NCK2: variants seen among roughly 807,000 people sequenced by gnomAD.
NCK2 encodes cytoplasmic protein NCK2.
Under a neutral mutation model 33.9 loss-of-function variants are expected in NCK2, and 16 were observed. That is an observed-to-expected ratio of 0.47 (90% CI 0.32 to 0.72). The LOEUF is 0.72. NCK2 is among the 30% of genes least tolerant of loss of function. The pLI, the probability that NCK2 is intolerant of heterozygous loss-of-function variation, is 0.03. For missense variants in NCK2, 418 were observed against 537.3 expected, an observed-to-expected ratio of 0.78 and a Z score of 2.19; for synonymous variants, 273 against 239.9, an observed-to-expected ratio of 1.14 and a Z score of -1.27.
chr2:105,854,993 G>A (rs982875773), intron 2 of NCK2, 55 bp from the exon 3 acceptor site: 14 of 1,374,546 alleles, frequency 1.0e-5, no homozygotes, highest in Non-Finnish European at 1.4e-5. Flanking sequence ...TTGGTGCAAA[G>A]GATGAAGTGT....
At chr2:105,748,258 G>A (rs115312856) in intron 1 of NCK2, among the ~76,000 whole-genome samples, 302 of 152,208 alleles carry the variant, frequency 2.0e-3, no homozygotes, top group East Asian at 6.8e-3. Flanking sequence ...CCCAAGGGTC[G>A]TCTCTTACTT....
At chr2:105,820,723 G>C (rs1353479966) in intron 2 of NCK2, among the ~76,000 whole-genome samples, 1 of 152,216 alleles carries the variant, frequency 6.6e-6, no homozygotes, top group African/African-American at 2.4e-5. Flanking sequence ...GCCATTACTA[G>C]GGACGGAAGA....
At chr2:105,853,257 TAAG>T (rs1385084063) in intron 2 of NCK2, among the ~76,000 whole-genome samples, 1 of 152,220 alleles carries the variant, frequency 6.6e-6, no homozygotes, top group African/African-American at 2.4e-5. Flanking sequence ...ATCTTCTACC[TAAG>T]AAGTAGAGAG....
At chr2:105,875,940 A>G (rs964712524) in intron 3 of NCK2, among the ~76,000 whole-genome samples, 1 of 152,216 alleles carries the variant, frequency 6.6e-6, no homozygotes. Context: ...ACTGCTGAGC[A>G]TGTCTATGAA....
intron 4 of NCK2, among the ~76,000 whole-genome samples, chr2:105,891,087 G>T (rs186680960): frequency 3.3e-5 from 5 of 152,306 alleles, no homozygotes; most frequent in Non-Finnish European, 2.9e-5. Context: ...GCTCCACATT[G>T]TCCAGAGGGC....
intron 3 of NCK2, among the ~76,000 whole-genome samples, chr2:105,874,500 A>G (rs927028329): frequency 6.6e-6 from 1 of 152,278 alleles, no homozygotes; most frequent in Admixed American, 6.5e-5. Flanking sequence ...CATTTTCAAT[A>G]AAAGGAAGTT....
chr2:105,825,147 G>T (rs578054627), intron 2 of NCK2, among the ~76,000 whole-genome samples: 8 of 152,216 alleles, frequency 5.3e-5, no homozygotes, highest in Admixed American at 3.3e-4. Context: ...ATGCCTACCA[G>T]CTGTAATGTA....
intron 2 of NCK2, among the ~76,000 whole-genome samples, chr2:105,836,671 G>T (rs1676449766): frequency 1.3e-5 from 2 of 152,192 alleles, no homozygotes; most frequent in African/African-American, 4.8e-5. Context: ...GTAGGATGCT[G>T]CTTGGGTTCA....
At chr2:105,834,796 G>C (rs949671212) in intron 2 of NCK2, among the ~76,000 whole-genome samples, 5 of 151,872 alleles carry the variant, frequency 3.3e-5, no homozygotes, top group Admixed American at 1.3e-4. Flanking sequence ...TCAGCCTCCC[G>C]GGTAGCTGGG....
chr2:105,846,448 TA>T (rs1676856673), intron 2 of NCK2: 1 of 145,058 alleles, frequency 6.9e-6, no homozygotes, highest in Non-Finnish European at 1.5e-5. Flanking sequence ...ATCCTGGCAG[TA>T]AAGATAAATT....
chr2:105,819,927 AT>A (rs1266186627), intron 2 of NCK2, among the ~76,000 whole-genome samples: 21 of 150,794 alleles, frequency 1.4e-4, no homozygotes, highest in African/African-American at 4.8e-4. Flanking sequence ...TAAAAAAAAA[AT>A]AGATAAAATA....
chr2:105,795,013 G>C (rs558646573), intron 1 of NCK2, among the ~76,000 whole-genome samples: 1 of 151,828 alleles, frequency 6.6e-6, no homozygotes, highest in Non-Finnish European at 1.5e-5. Flanking sequence ...TTTAAAAAAA[G>C]TTTTATTTTT....
intron 2 of NCK2, among the ~76,000 whole-genome samples, chr2:105,836,661 G>A (rs940687197): frequency 6.6e-6 from 1 of 152,208 alleles, no homozygotes; most frequent in Non-Finnish European, 1.5e-5. Flanking sequence ...TCTACAGGGT[G>A]TAGGATGCTG....
chr2:105,802,744 T>A (rs2104449777), intron 1 of NCK2, among the ~76,000 whole-genome samples: 1 of 152,356 alleles, frequency 6.6e-6, no homozygotes, highest in South Asian at 2.1e-4. Context: ...GGGGATCAGA[T>A]TTCAACATGA....
chr2:105,753,261 T>C (rs964431532), intron 1 of NCK2, among the ~76,000 whole-genome samples: 1 of 152,196 alleles, frequency 6.6e-6, no homozygotes, highest in Admixed American at 6.5e-5. Context: ...CCCTGGACTT[T>C]GGAAGGGCCT....
chr2:105,754,092 C>T (rs540893891), intron 1 of NCK2, among the ~76,000 whole-genome samples: 5 of 152,282 alleles, frequency 3.3e-5, no homozygotes, highest in African/African-American at 1.2e-4. Flanking sequence ...GTGAGTCTGG[C>T]GTCTCTGTTG....
At chr2:105,838,590 G>A (rs1344170409) in intron 2 of NCK2, among the ~76,000 whole-genome samples, 1 of 152,118 alleles carries the variant, frequency 6.6e-6, no homozygotes, top group Admixed American at 6.5e-5. Flanking sequence ...CCCTTATTAT[G>A]TAGAATAACA....
At chr2:105,814,620 G>C (rs1246963567) in intron 1 of NCK2, among the ~76,000 whole-genome samples, 2 of 152,208 alleles carry the variant, frequency 1.3e-5, no homozygotes, top group East Asian at 3.9e-4. Flanking sequence ...ATGCAGAAGA[G>C]ATTAGAGATG....
intron 2 of NCK2, among the ~76,000 whole-genome samples, chr2:105,830,673 GTGT>G (rs1676140854): frequency 3.5e-5 from 2 of 57,258 alleles, no homozygotes; most frequent in Admixed American, 1.9e-4. Context: ...GGAATTTGGT[GTGT>G]GTGTGTGTGT....
Sources: gnomAD v4.1 joint callset for allele counts (sites outside exome capture counted in the v4.1 genomes callset) on GRCh38, gnomAD v4.1.1 for gene constraint, MANE v1.5 for transcripts, NCBI Gene and HGNC (gene_info 2026-07-23, HGNC 2026-07-21) for gene names.